MARCHF1: variants seen among roughly 807,000 people sequenced by gnomAD.
MARCHF1 encodes the protein E3 ubiquitin-protein ligase MARCHF1.
MARCHF1 carries 40 observed loss-of-function variants against 54.2 expected under a neutral mutation model. The observed-to-expected ratio is 0.74, with a 90% CI of 0.57 to 0.96. The LOEUF (loss-of-function observed/expected upper bound fraction) is 0.96. Among genes scored for constraint, MARCHF1 ranks in the 40% least tolerant of loss-of-function variants. MARCHF1 has a pLI of 0.00. For missense variants in MARCHF1, 586 were observed against 656.5 expected, an observed-to-expected ratio of 0.89 and a Z score of 1.17; for synonymous variants, 236 against 236.3, an observed-to-expected ratio of 1.00 and a Z score of 0.01.
intron 5 of MARCHF1, among the ~76,000 whole-genome samples, chr4:163,617,147 G>A (rs578080737): frequency 8.1e-4 from 123 of 152,256 alleles, no homozygotes; most frequent in African/African-American, 2.8e-3. Flanking sequence ...AGTAAAATAA[G>A]CGCAGAGGTA....
intron 2 of MARCHF1, among the ~76,000 whole-genome samples, chr4:164,001,383 G>C (rs181553284): frequency 6.6e-6 from 1 of 151,826 alleles, no homozygotes; most frequent in African/African-American, 2.4e-5. Context: ...ATAAAATCAG[G>C]TAATAATATA....
chr4:164,062,694 T>C (rs1159743294), intron 2 of MARCHF1, among the ~76,000 whole-genome samples: 1 of 152,020 alleles, frequency 6.6e-6, no homozygotes, highest in Non-Finnish European at 1.5e-5. Flanking sequence ...CTGGCTAATT[T>C]TGTATTTTTA....
intron 2 of MARCHF1, among the ~76,000 whole-genome samples, chr4:164,044,385 GGA>G (rs371898741): frequency 6.6e-6 from 1 of 151,764 alleles, no homozygotes; most frequent in Non-Finnish European, 1.5e-5. Context: ...CGTGGTGGCA[GGA>G]GAGAGAGAGA....
chr4:164,126,873 T>G (rs1579556073), intron 1 of MARCHF1, among the ~76,000 whole-genome samples: 1 of 152,202 alleles, frequency 6.6e-6, no homozygotes, highest in African/African-American at 2.4e-5. Flanking sequence ...CTGACCAATA[T>G]GGTGAAACCC....
chr4:163,978,378 G>A (rs991536966), intron 3 of MARCHF1, among the ~76,000 whole-genome samples: 9 of 152,148 alleles, frequency 5.9e-5, no homozygotes, highest in Non-Finnish European at 5.9e-5. Context: ...AGTCAACATA[G>A]GGAATTGACT....
chr4:163,848,549 T>G (rs1315804723), intron 4 of MARCHF1, among the ~76,000 whole-genome samples: 1 of 152,182 alleles, frequency 6.6e-6, no homozygotes, highest in Non-Finnish European at 1.5e-5. Flanking sequence ...ATGATCTCCT[T>G]TGCTCTCATT....
chr4:163,539,001 T>TTTTATTTATTTATTTATTTA (rs56805784), intron 9 of MARCHF1, among the ~76,000 whole-genome samples: 22 of 148,990 alleles, frequency 1.5e-4, no homozygotes, highest in African/African-American at 5.5e-4. Flanking sequence ...CTCCTGATGC[T>TTTTATTTATTTATTTATTTA]TTTATTTATT....
intron 1 of MARCHF1, among the ~76,000 whole-genome samples, chr4:164,235,263 A>G (rs1036081116): frequency 6.6e-6 from 1 of 152,118 alleles, no homozygotes; most frequent in African/African-American, 2.4e-5. Flanking sequence ...TTCAAATTCT[A>G]AATGGCCCTA....
At chr4:164,364,749 C>T (rs1449740283) in intron 1 of MARCHF1, among the ~76,000 whole-genome samples, 1 of 151,026 alleles carries the variant, frequency 6.6e-6, no homozygotes, top group African/African-American at 2.4e-5. Flanking sequence ...TTTTATTCAC[C>T]ATTTGATGAA....
chr4:163,741,315 T>A (rs1340315337), intron 4 of MARCHF1, among the ~76,000 whole-genome samples: 2 of 152,164 alleles, frequency 1.3e-5, no homozygotes, highest in African/African-American at 4.8e-5. Context: ...CCGGGTGTGG[T>A]GGCTCAAGCC....
At chr4:163,539,546 G>C (rs534628023) in intron 9 of MARCHF1, among the ~76,000 whole-genome samples, 4 of 152,196 alleles carry the variant, frequency 2.6e-5, no homozygotes, top group African/African-American at 9.7e-5. Flanking sequence ...GCTTTCACAG[G>C]TGTCTACCAG....
At chr4:164,115,450 A>C (rs1755920749) in intron 1 of MARCHF1, among the ~76,000 whole-genome samples, 1 of 152,120 alleles carries the variant, frequency 6.6e-6, no homozygotes, top group Non-Finnish European at 1.5e-5. Context: ...ATCATCCAAG[A>C]AAGTTTATGA....
chr4:164,089,987 TATA>T (rs1416524334), intron 2 of MARCHF1, among the ~76,000 whole-genome samples: 1 of 151,478 alleles, frequency 6.6e-6, no homozygotes, highest in Non-Finnish European at 1.5e-5. Flanking sequence ...TCTGTAGAAA[TATA>T]ATAAAATAAT....
Position 163,612,337 on chromosome 4 carries a change from ACCTGGAGC to A in MARCHF1, c.936_943del (p.Leu313GlufsTer2). 1 of 1,534,496 alleles carries A rather than the reference ACCTGGAGC, an allele frequency of 6.5e-7. No homozygotes were observed. The highest frequency in any genetic ancestry group is 8.7e-7 in the Non-Finnish European group (1 of 1,146,154). ...AGGAGGCTTCTGAACAGGGTTATTC[ACCTGGAGC>A]CCTGCATCATTCATGTCCTTGCTGC... On this transcript the variant is annotated frameshift_variant, in exon 7 of 10. Coordinates refer to ENST00000514618, the MANE Select transcript of MARCHF1 (RefSeq NM_001394959.1). LOFTEE classifies it high-confidence loss of function.
intron 5 of MARCHF1, among the ~76,000 whole-genome samples, chr4:163,692,343 C>G (rs1744487867): frequency 6.6e-6 from 1 of 152,000 alleles, no homozygotes; most frequent in Non-Finnish European, 1.5e-5. Flanking sequence ...AAATAAGTAG[C>G]AAAGGAAATA....
At chr4:163,942,937 A>G (rs546585542) in intron 3 of MARCHF1, among the ~76,000 whole-genome samples, 2 of 152,240 alleles carry the variant, frequency 1.3e-5, no homozygotes, top group South Asian at 4.1e-4. Context: ...CTCTTCCAAA[A>G]AAAAAAAAGA....
chr4:163,690,116 A>G (rs1014027651), intron 5 of MARCHF1, among the ~76,000 whole-genome samples: 3 of 152,224 alleles, frequency 2.0e-5, no homozygotes, highest in Admixed American at 6.5e-5. Flanking sequence ...AAGGAGACAC[A>G]GAGCATGAAG....
At chr4:164,128,240 A>AT (rs1179940340) in intron 1 of MARCHF1, among the ~76,000 whole-genome samples, 3 of 152,270 alleles carry the variant, frequency 2.0e-5, no homozygotes, top group East Asian at 3.9e-4. Flanking sequence ...ATATGGAGGT[A>AT]TTTTTTAATG....
intron 8 of MARCHF1, among the ~76,000 whole-genome samples, chr4:163,574,354 A>G (rs936064648): frequency 9.9e-5 from 15 of 151,960 alleles, no homozygotes; most frequent in Admixed American, 4.6e-4. Context: ...TTTTGTTGCC[A>G]TTGCTTTTGG....
Sources: allele counts gnomAD v4.1 joint callset (sites outside exome capture counted in the v4.1 genomes callset), GRCh38; gene constraint gnomAD v4.1.1; transcripts MANE v1.5; gene names NCBI Gene and HGNC (gene_info 2026-07-23, HGNC 2026-07-21).